Variants in ANKS3 observed in about 807,000 individuals in gnomAD.
ANKS3 encodes the protein ankyrin repeat and SAM domain-containing protein 3.
In ANKS3, 62 loss-of-function variants were observed where a neutral mutation model predicts 80.7. That is an observed-to-expected ratio of 0.77 (90% CI 0.63 to 0.95). The LOEUF is 0.95. Among genes scored for constraint, ANKS3 ranks in the 40% least tolerant of loss-of-function variants. The pLI is 0.00. For missense variants in ANKS3, 1,150 were observed against 883.6 expected, an observed-to-expected ratio of 1.30 and a Z score of -3.82; for synonymous variants, 489 against 355.3, an observed-to-expected ratio of 1.38 and a Z score of -4.23.
chr16:4,708,662 C>T (rs996136792), intron 7 of ANKS3, among the ~76,000 whole-genome samples: 2 of 152,080 alleles, frequency 1.3e-5, no homozygotes, highest in Non-Finnish European at 2.9e-5. Context: ...AGGCTGCGCA[C>T]GGTGGCTCAC....
At chr16:4,705,750 A>G (rs2080154658) in intron 7 of ANKS3, among the ~76,000 whole-genome samples, 1 of 151,864 alleles carries the variant, frequency 6.6e-6, no homozygotes, top group Non-Finnish European at 1.5e-5. Flanking sequence ...ATGAGCCACC[A>G]TGCCCAGCCA....
At chr16:4,711,263 C>A (rs559521155) in intron 7 of ANKS3, among the ~76,000 whole-genome samples, 6 of 151,644 alleles carry the variant, frequency 4.0e-5, no homozygotes, top group African/African-American at 1.2e-4. Flanking sequence ...ACCACTACGC[C>A]CAGCTAATTT....
chr16:4,726,205 T>C (rs538093781), intron 5 of ANKS3, among the ~76,000 whole-genome samples: 1 of 152,084 alleles, frequency 6.6e-6, no homozygotes, highest in African/African-American at 2.4e-5. Flanking sequence ...CTCGATCTCC[T>C]GACCTCGTGA....
Position 4,730,818 on chromosome 16 carries a change from C to T in ANKS3, c.-2-667G>A, listed in dbSNP as rs148081204. 5.9e-5 allele frequency among the ~76,000 whole-genome samples: 9 copies of T among 152,082 alleles called. No individual in the cohort carries two copies. In the East Asian group the frequency reaches 1.4e-3, roughly 23 times the overall value. On this transcript the variant is annotated intron_variant, in intron 2 of 17. Transcript: ENST00000304283. The stretch of plus-strand genomic sequence containing the variant: ...GGTGAGCCAAGATCACGCCATTGCA[C>T]TCCAGCCTGGGAAACAGAGCAAGAC...
Position 4,698,057 on chromosome 16 carries a change from C to G in ANKS3, c.1730G>C (p.Cys577Ser). 1 of 1,606,612 alleles carries G rather than the reference C, an allele frequency of 6.2e-7. No homozygotes were observed. The highest frequency in any genetic ancestry group is 1.3e-5 in the African/African-American group (1 of 74,988). Residue 577 changes from cysteine (C) to serine (S), a missense_variant, in exon 15 of 18, where the codon TGT (cysteine) becomes TCT (serine). Cys to Ser is a moderately radical substitution (Grantham distance 112). Transcript: ENST00000304283. ...AALVLDQLRA[C>S]QAELSSRVRQ... ...CACTCGAGATGACAGCTCAGCTTGA[C>G]AGGCTCTGCCAGACACAGAAACAAA...
chr16:4,697,303 C>A, intron 16 of ANKS3, 30 bp downstream of exon 16: 1 of 1,577,124 alleles, frequency 6.3e-7, no homozygotes, highest in Non-Finnish European at 8.6e-7. Flanking sequence ...ACAAAAGGAG[C>A]GCTCAGTCGT....
chr16:4,710,290 T>A (rs987279305), intron 7 of ANKS3, among the ~76,000 whole-genome samples: 5 of 152,196 alleles, frequency 3.3e-5, no homozygotes, highest in African/African-American at 1.2e-4. Flanking sequence ...AAATGATAAA[T>A]GTTTGAGGTG....
chr16:4,714,733 C>A (rs2080693639), intron 6 of ANKS3, among the ~76,000 whole-genome samples: 1 of 152,180 alleles, frequency 6.6e-6, no homozygotes, highest in Admixed American at 6.5e-5. Flanking sequence ...GTGGCTCATG[C>A]CTGTAATCCC....
At chr16:4,708,804 G>A (rs2080336048) in intron 7 of ANKS3, among the ~76,000 whole-genome samples, 1 of 151,940 alleles carries the variant, frequency 6.6e-6, no homozygotes, top group Non-Finnish European at 1.5e-5. Context: ...CAGGTGTGGT[G>A]GTGGGCACCC....
intron 1 of ANKS3, among the ~76,000 whole-genome samples, chr16:4,733,725 A>T (rs183507308): frequency 1.3e-5 from 2 of 152,186 alleles, no homozygotes; most frequent in African/African-American, 4.8e-5. Context: ...AAAATCTCTC[A>T]TATACGCCAT....
chr16:4,726,525 C>A, intron 5 of ANKS3, 134 bp downstream of exon 5: 1 of 886,294 alleles, frequency 1.1e-6, no homozygotes, highest in South Asian at 1.6e-5. Context: ...GACTCTGGTC[C>A]TACCCCTCAT....
intron 15 of ANKS3, 103 bp downstream of exon 15, chr16:4,697,874 G>T: frequency 1.8e-6 from 2 of 1,112,022 alleles, no homozygotes; most frequent in Non-Finnish European, 2.5e-6. Context: ...TGGGAGAGTG[G>T]CTGCCGGCCG....
chr16:4,720,294 T>G (rs931104473), intron 6 of ANKS3, among the ~76,000 whole-genome samples: 16 of 149,424 alleles, frequency 1.1e-4, no homozygotes, highest in African/African-American at 3.7e-4. Context: ...AAACCCTGTC[T>G]CTACTAAAAA....
Position 4,705,341 on chromosome 16 carries a change from C to T in ANKS3, c.710-88G>A, listed in dbSNP as rs949946241. 53 of 1,493,510 alleles carry T rather than the reference C, an allele frequency of 3.5e-5. No individual in the cohort carries two copies. The East Asian group carries it at 9.3e-4, about 26-fold the overall frequency. 92.5% of individuals were successfully genotyped at this position (1,493,510 alleles called of 1,614,324 possible). On this transcript the variant is annotated intron_variant, in intron 7 of 17. Transcript: ENST00000304283. Reference sequence around the variant, plus strand: ...CGGCAAACTGAAAGAAAGTGACTGTCGCCGGTTTTGTTAAATTAAGGAGAA... The same window carrying T: ...CGGCAAACTGAAAGAAAGTGACTGTTGCCGGTTTTGTTAAATTAAGGAGAA...
chr16:4,733,759 C>G (rs2081794722), intron 1 of ANKS3, among the ~76,000 whole-genome samples, 179 bp downstream of exon 1: 1 of 152,096 alleles, frequency 6.6e-6, no homozygotes, highest in African/African-American at 2.4e-5. Context: ...TACTACGTAC[C>G]CACAAAAATT....
intron 7 of ANKS3, among the ~76,000 whole-genome samples, chr16:4,712,860 C>T (rs950545130): frequency 6.6e-6 from 1 of 152,128 alleles, no homozygotes; most frequent in Non-Finnish European, 1.5e-5. Flanking sequence ...CAGCAGGAAG[C>T]AGTGTATCCA....
intron 3 of ANKS3, 180 bp from the exon 4 acceptor site, chr16:4,727,357 A>G (rs1367463104): frequency 3.0e-6 from 2 of 657,982 alleles, no homozygotes; most frequent in Non-Finnish European, 5.3e-6. Context: ...TTGCTCGTAC[A>G]CTGCCTTGTG....
intron 8 of ANKS3, 21 bp downstream of exon 8, chr16:4,705,074 C>T (rs1400385702): frequency 9.3e-6 from 15 of 1,608,578 alleles, no homozygotes; most frequent in East Asian, 2.2e-5. Context: ...AAAGAGCCCT[C>T]GGGAAACGCG....
At chr16:4,700,143 T>G (rs1486715722) in intron 11 of ANKS3, 1 of 152,760 alleles carries the variant, frequency 6.5e-6, no homozygotes, top group East Asian at 1.9e-4. Context: ...CCAGGCCAGG[T>G]GTGGTGGCTC....
Sources: gnomAD v4.1 joint callset for allele counts (sites outside exome capture counted in the v4.1 genomes callset) on GRCh38, gnomAD v4.1.1 for gene constraint, MANE v1.5 for transcripts, NCBI Gene and HGNC (gene_info 2026-07-23, HGNC 2026-07-21) for gene names.